The following PGM3 variants were observed in gnomAD, a reference collection of about 807,000 sequenced individuals.
The protein encoded by PGM3 is phosphoglucomutase 3.
Under a neutral mutation model 66.2 loss-of-function variants are expected in PGM3, and 40 were observed. That is an observed-to-expected ratio of 0.60 (90% CI 0.47 to 0.79). The LOEUF (loss-of-function observed/expected upper bound fraction) is 0.79, where lower values mean the gene tolerates loss of function less well. PGM3 is among the 30% of genes least tolerant of loss of function. The pLI, the probability that PGM3 is intolerant of heterozygous loss-of-function variation, is 0.00. For missense variants in PGM3, 537 were observed against 643.4 expected, an observed-to-expected ratio of 0.83 and a Z score of 1.79; for synonymous variants, 191 against 224.2, an observed-to-expected ratio of 0.85 and a Z score of 1.32.
At position 83,174,027 on chromosome 6, in the gene PGM3, T is replaced by C. The variant is rs753836971; in HGVS notation, c.1242+347A>G. Among the ~76,000 whole-genome samples, 21 of 152,228 alleles carry C rather than the reference T, an allele frequency of 1.4e-4. 1 individual carries two copies. The highest frequency in any genetic ancestry group is 3.9e-4 in the African/African-American group (16 of 41,534). ...CTGGGATTACAGGCATGAGCCACCG[T>C]GCCTGGCCTGACAACCAGTTATTTT... On this transcript the variant is annotated intron_variant, in intron 10 of 12. Transcript: ENST00000513973.
downstream of PGM3, among the ~76,000 whole-genome samples, chr6:83,163,341 T>C (rs927681384): frequency 9.2e-5 from 14 of 152,118 alleles, no homozygotes; most frequent in Non-Finnish European, 1.5e-5. Flanking sequence ...TATGAGTTGA[T>C]TGAAAAAAAT....
At chr6:83,162,839 G>A (rs1386847228), downstream of PGM3, 1 of 1,613,562 alleles carries the variant, frequency 6.2e-7, no homozygotes, top group Non-Finnish European at 8.5e-7. Context: ...AGGTTTGGAA[G>A]TCAGAAGGCA....
chr6:83,162,727 G>A, downstream of PGM3: 1 of 1,521,680 alleles, frequency 6.6e-7, no homozygotes, highest in Non-Finnish European at 8.8e-7. Flanking sequence ...TACATTATGT[G>A]GCCTAATCTT....
intron 3 of PGM3, among the ~76,000 whole-genome samples, chr6:83,187,286 C>T (rs754853700): frequency 6.6e-6 from 1 of 152,210 alleles, no homozygotes; most frequent in Non-Finnish European, 1.5e-5. Context: ...AAAATTCTGG[C>T]TTTTAAATGA....
chr6:83,151,234 C>G, the PGM3 span, among the ~76,000 whole-genome samples: 1 of 152,160 alleles, frequency 6.6e-6, no homozygotes, highest in Non-Finnish European at 1.5e-5. Flanking sequence ...ATGATCATAG[C>G]ACACTGCAGC....
Position 83,182,912 on chromosome 6 carries a change from T to C in PGM3, c.524A>G (p.Tyr175Cys). 6.2e-7 allele frequency: 1 copy of C among 1,614,094 alleles called. No individual in the cohort carries two copies. The highest frequency in any genetic ancestry group is 1.1e-5 in the South Asian group (1 of 91,090). The change falls in exon 5 of 13, where the codon TAT (tyrosine) becomes TGT (cysteine). Residue 175 changes from tyrosine to cysteine, a missense_variant. Coordinates refer to ENST00000513973, the MANE Select transcript of PGM3 (RefSeq NM_015599.3). ...MVYCRNTGGR[Y>C]GKATIEGYYQ... ...GTAACCTTCTATAGTTGCCTTTCCATATCGGCCACCCGTGTTTCGACAATA... is the reference window on the plus strand; with the variant it reads ...GTAACCTTCTATAGTTGCCTTTCCACATCGGCCACCCGTGTTTCGACAATA...
At chr6:83,161,141 T>G (rs1356863778), downstream of PGM3, 1 of 152,154 alleles carries the variant, frequency 6.6e-6, no homozygotes, top group Non-Finnish European at 1.5e-5. Context: ...TATTCTGTGG[T>G]GCTTTTGGAG....
rs921187830 is a variant in PGM3, at chr6:83,167,427, T to C, written c.*1807A>G. The stretch of plus-strand genomic sequence containing the variant: ...ATTTAGATAAAAGGGAATTAACTAA[T>C]TATAATAAAAGGGGATATATTATGA... On this transcript the variant is annotated 3_prime_UTR_variant, in exon 13 of 13. Transcript: ENST00000513973. 8 of 982,718 alleles carry C rather than the reference T, an allele frequency of 8.1e-6. No homozygotes were observed. The highest frequency in any genetic ancestry group is 5.2e-5 in the African/African-American group (3 of 57,178). The allele number at this position is 982,718 out of a possible 1,614,324, so 60.9% of individuals were successfully genotyped here. A position where few individuals can be genotyped will look rare whatever the true frequency, so the allele number is the denominator to read the frequency against.
At chr6:83,173,672 A>G (rs1156296050) in intron 10 of PGM3, among the ~76,000 whole-genome samples, 1 of 152,164 alleles carries the variant, frequency 6.6e-6, no homozygotes, top group African/African-American at 2.4e-5. Context: ...CTGCTTTTCC[A>G]TAGCCAAACG....
At chr6:83,188,944 T>A (rs1156514421) in intron 2 of PGM3, 146 bp from the exon 3 acceptor site, 8 of 601,384 alleles carry the variant, frequency 1.3e-5, no homozygotes, top group Non-Finnish European at 2.3e-5. Context: ...TACTGGACCC[T>A]GGATTAGGTA....
Position 83,187,103 on chromosome 6 carries a change from T to C in PGM3, c.390-28A>G, listed in dbSNP as rs768323421. 1.3e-5 allele frequency: 19 copies of C among 1,430,200 alleles called. No individual in the cohort carries two copies. The East Asian group carries it at 2.0e-4, about 15-fold the overall frequency. 88.6% of individuals were successfully genotyped at this position (1,430,200 alleles called of 1,614,324 possible). A position where few individuals can be genotyped will look rare whatever the true frequency, so the allele number is the denominator to read the frequency against. On this transcript the variant is annotated intron_variant, in intron 3 of 12. Transcript: ENST00000513973. ...AGGAAAGAAAAGGAAGAAAATAATA[T>C]ATCCCATCCTGAAACTGGCAGGGTT...
the PGM3 span, chr6:83,156,067 A>G: frequency 6.2e-7 from 1 of 1,613,894 alleles, no homozygotes; most frequent in Admixed American, 1.7e-5. Context: ...TAGCAGTGAA[A>G]TTGACCAGTA....
chr6:83,154,343 C>T, the PGM3 span: 13 of 1,080,412 alleles, frequency 1.2e-5, 2 homozygotes, highest in South Asian at 1.9e-4. Flanking sequence ...ACTGAATTAG[C>T]TCTTTGTCAA....
chr6:83,170,510 A>G, intron 11 of PGM3, 32 bp from the exon 12 acceptor site: 2 of 1,564,834 alleles, frequency 1.3e-6, no homozygotes, highest in Non-Finnish European at 8.8e-7. Flanking sequence ...TTGTTACTCT[A>G]TTACACTTCC....
At chr6:83,151,712 G>C in the PGM3 span, 1 of 1,526,510 alleles carries the variant, frequency 6.6e-7, no homozygotes, top group Non-Finnish European at 8.9e-7. Context: ...CCCTCAATTT[G>C]AAAATGAGAG....
chr6:83,170,684 TATTTCCACAAATGCTTAGAGTTA>T, intron 11 of PGM3: 3 of 506,332 alleles, frequency 5.9e-6, no homozygotes, highest in Non-Finnish European at 1.1e-5. Context: ...TGGCAAAAAA[TATTTCCACAAATGCTTAGAGTTA>T]CCACTAAGAT....
intron 3 of PGM3, 125 bp downstream of exon 3, chr6:83,188,489 G>T: frequency 1.4e-6 from 1 of 713,102 alleles, no homozygotes; most frequent in Non-Finnish European, 2.3e-6. Context: ...AGGCCAGGCA[G>T]GTAGACATGC....
chr6:83,170,633 G>A, intron 11 of PGM3, 155 bp from the exon 12 acceptor site: 1 of 625,740 alleles, frequency 1.6e-6, no homozygotes, highest in East Asian at 2.8e-5. Context: ...CAACATTTGT[G>A]CAACTTTTCT....
At chr6:83,183,513 C>T (rs1217138077) in intron 4 of PGM3, among the ~76,000 whole-genome samples, 1 of 152,168 alleles carries the variant, frequency 6.6e-6, no homozygotes, top group Non-Finnish European at 1.5e-5. Context: ...GAAGACCAGA[C>T]TCTCATGAAG....
Sources: allele counts gnomAD v4.1 joint callset (sites outside exome capture counted in the v4.1 genomes callset), GRCh38; gene constraint gnomAD v4.1.1; transcripts MANE v1.5; gene names NCBI Gene and HGNC (gene_info 2026-07-23, HGNC 2026-07-21).